Variants in CHRM3 observed in about 807,000 individuals in gnomAD.
CHRM3 encodes muscarinic acetylcholine receptor M3.
A neutral mutation model predicts 41.8 loss-of-function variants in CHRM3; 11 were observed. The ratio of observed to expected loss-of-function variants is 0.26; its 90% CI spans 0.17 to 0.44. The LOEUF is 0.44. Among genes scored for constraint, CHRM3 ranks in the 20% least tolerant of loss-of-function variants. The pLI, the probability that CHRM3 is intolerant of heterozygous loss-of-function variation, is 1.00. For synonymous variants in CHRM3, 297 were observed against 301.4 expected (o/e 0.99, Z 0.15); for missense variants, 571 against 745.4 (o/e 0.77, Z 2.72).
chr1:239,716,083 G>C (rs1280525836), intron 5 of CHRM3, among the ~76,000 whole-genome samples: 1 of 152,052 alleles, frequency 6.6e-6, no homozygotes, highest in Non-Finnish European at 1.5e-5. Context: ...GGAAAATGTG[G>C]AGGGACGACA....
Position 239,911,262 on chromosome 1 carries a change from AAAAC to A in CHRM3, c.*2041_*2044del, listed in dbSNP as rs1680352912. On this transcript the variant is annotated 3_prime_UTR_variant, in exon 7 of 7. Coordinates refer to ENST00000676153, the MANE Select transcript of CHRM3 (RefSeq NM_001375978.1). ...AAATCATTTTACACAGGGAAAAAAA[AAAAC>A]AATCAGCATAATTGTAAGAATGATT... 6.0e-6 allele frequency: 1 copy of A among 167,118 alleles called. No homozygotes were observed. Among genetic ancestry groups the A allele is most frequent in the South Asian group, 2.1e-4 (1 of 4,828 alleles). 10.4% of individuals were successfully genotyped at this position (167,118 alleles called of 1,614,324 possible).
chr1:239,605,268 A>T (rs1051860612), intron 3 of CHRM3, among the ~76,000 whole-genome samples: 2 of 152,218 alleles, frequency 1.3e-5, no homozygotes, highest in African/African-American at 4.8e-5. Context: ...TAAGATTATA[A>T]CATGGTATTT....
intron 5 of CHRM3, among the ~76,000 whole-genome samples, chr1:239,699,523 T>C (rs1271190306): frequency 1.3e-5 from 2 of 152,198 alleles, no homozygotes; most frequent in Admixed American, 1.3e-4. Flanking sequence ...CATCTTGATC[T>C]TGGACTTCCC....
intron 5 of CHRM3, among the ~76,000 whole-genome samples, chr1:239,786,507 G>T (rs1227373890): frequency 6.6e-6 from 1 of 152,244 alleles, no homozygotes; most frequent in Non-Finnish European, 1.5e-5. Flanking sequence ...CTAATTAGCA[G>T]TAGGAGAGGA....
At chr1:239,674,436 G>A (rs1006867979) in intron 4 of CHRM3, among the ~76,000 whole-genome samples, 3 of 152,014 alleles carry the variant, frequency 2.0e-5, no homozygotes, top group Non-Finnish European at 2.9e-5. Context: ...CTGGCTGGGC[G>A]CGGTGGCTCA....
rs1289392334 is a variant in CHRM3, at chr1:239,387,880, G to A, written c.-521+653G>A. ...TGACCCGGGGAGAGTCTGCACTCGC[G>A]AGGCAGCGGCCGCTGGACTGCACCG... On this transcript the variant is annotated intron_variant, in intron 1 of 6. Transcript: ENST00000676153. This position sits in a 1 kb window ranked among gnomAD's most constrained non-coding sequence, Gnocchi z 5.1. Among the ~76,000 whole-genome samples the A allele has an allele frequency of 1.3e-5, 2 of 152,162 alleles. No individual in the cohort carries two copies. The highest frequency in any genetic ancestry group is 1.9e-4 in the East Asian group (1 of 5,184).
At chr1:239,721,261 T>A (rs971425680) in intron 5 of CHRM3, among the ~76,000 whole-genome samples, 2 of 151,848 alleles carry the variant, frequency 1.3e-5, no homozygotes, top group African/African-American at 2.4e-5. Flanking sequence ...ATAAAAAAGA[T>A]AAGATCAGGG....
chr1:239,602,905 C>G (rs922634374), intron 3 of CHRM3, among the ~76,000 whole-genome samples: 1 of 152,052 alleles, frequency 6.6e-6, no homozygotes, highest in Non-Finnish European at 1.5e-5. Flanking sequence ...TTATTAAGTA[C>G]ACTGTTGTTC....
chr1:239,664,104 CT>C (rs1189198416), intron 4 of CHRM3, among the ~76,000 whole-genome samples: 7 of 152,218 alleles, frequency 4.6e-5, no homozygotes, highest in African/African-American at 1.2e-4. Context: ...CTATTTTAGT[CT>C]TTGTTTTAAA....
At chr1:239,678,399 A>T (rs1658218022) in intron 5 of CHRM3, 111 bp downstream of exon 5, 1 of 152,126 alleles carries the variant, frequency 6.6e-6, no homozygotes, top group African/African-American at 2.4e-5. Context: ...AATTAAATTC[A>T]TGTGTCAGCG....
At chr1:239,456,685 C>A (rs1357473615) in intron 1 of CHRM3, among the ~76,000 whole-genome samples, 1 of 152,160 alleles carries the variant, frequency 6.6e-6, no homozygotes. Flanking sequence ...ACCCTGCCAT[C>A]CTTGATCCCT....
intron 6 of CHRM3, among the ~76,000 whole-genome samples, chr1:239,868,806 G>A (rs965041768): frequency 1.3e-5 from 2 of 152,298 alleles, no homozygotes; most frequent in South Asian, 2.1e-4. Flanking sequence ...GAATGAGAAC[G>A]GAGCCTTGGC....
At chr1:239,786,857 G>A (rs1440308347) in intron 5 of CHRM3, among the ~76,000 whole-genome samples, 1 of 152,208 alleles carries the variant, frequency 6.6e-6, no homozygotes, top group East Asian at 1.9e-4. Context: ...GAAGTTTGGT[G>A]AGAAATACCA....
intron 4 of CHRM3, among the ~76,000 whole-genome samples, chr1:239,666,995 C>T (rs908355329): frequency 6.6e-6 from 1 of 152,150 alleles, no homozygotes; most frequent in African/African-American, 2.4e-5. Context: ...GCAAACGACA[C>T]GATTTGTTCT....
intron 3 of CHRM3, among the ~76,000 whole-genome samples, chr1:239,604,021 A>G (rs1665930043): frequency 1.3e-5 from 2 of 152,154 alleles, no homozygotes; most frequent in South Asian, 4.1e-4. Context: ...TATTAGTAAA[A>G]ATGAAGGGGA....
chr1:239,691,584 G>A (rs769989271), intron 5 of CHRM3, among the ~76,000 whole-genome samples: 3 of 152,078 alleles, frequency 2.0e-5, no homozygotes, highest in Admixed American at 6.5e-5. Context: ...ATGAAGCTGT[G>A]GCCCTCACGC....
chr1:239,771,801 C>T (rs1475091216), intron 5 of CHRM3, among the ~76,000 whole-genome samples: 1 of 152,168 alleles, frequency 6.6e-6, no homozygotes, highest in Non-Finnish European at 1.5e-5. Context: ...CCTACAGGCC[C>T]ATAGGTTTCA....
intron 6 of CHRM3, among the ~76,000 whole-genome samples, chr1:239,832,555 G>A (rs764456307): frequency 3.3e-5 from 5 of 151,966 alleles, no homozygotes; most frequent in Admixed American, 2.0e-4. Flanking sequence ...CTTGGATCTC[G>A]TGCAAGGAAG....
At chr1:239,716,215 CT>C (rs1662349123) in intron 5 of CHRM3, among the ~76,000 whole-genome samples, 1 of 151,940 alleles carries the variant, frequency 6.6e-6, no homozygotes, top group Admixed American at 6.6e-5. Context: ...GAAAGTGATA[CT>C]TTTAGGGGAT....
Sources: allele counts gnomAD v4.1 joint callset (sites outside exome capture counted in the v4.1 genomes callset), GRCh38; gene constraint gnomAD v4.1.1; non-coding constraint Gnocchi (gnomAD v3.1); transcripts MANE v1.5; gene names NCBI Gene and HGNC (gene_info 2026-07-23, HGNC 2026-07-21).